Variants in TAC4 observed in about 807,000 individuals in gnomAD.
The protein encoded by TAC4 is tachykinin precursor 4.
A neutral mutation model predicts 17.7 loss-of-function variants in TAC4; 17 were observed. That is an observed-to-expected ratio of 0.96 (90% CI 0.66 to 1.44). The LOEUF (loss-of-function observed/expected upper bound fraction) is 1.44, where lower values mean the gene tolerates loss of function less well. Ranked by LOEUF, TAC4 falls within the 40% of genes most tolerant of loss-of-function variation. The pLI is 0.00. For missense variants in TAC4, 118 were observed against 125.6 expected, an observed-to-expected ratio of 0.94 and a Z score of 0.29; for synonymous variants, 62 against 52.4, an observed-to-expected ratio of 1.18 and a Z score of -0.79.
chr17:49,838,826 C>T (rs906465609), intron 4 of TAC4, among the ~76,000 whole-genome samples, 153 bp from the exon 5 acceptor site: 2 of 152,142 alleles, frequency 1.3e-5, no homozygotes, highest in Non-Finnish European at 2.9e-5. Context: ...ATTACAGGCT[C>T]ATCTGTCATA....
At chr17:49,844,910 C>T (rs923598935) in intron 1 of TAC4, among the ~76,000 whole-genome samples, 8 of 152,178 alleles carry the variant, frequency 5.3e-5, no homozygotes, top group South Asian at 2.1e-4. Context: ...TGATTTCCCC[C>T]GGCCCCTGCA....
intron 1 of TAC4, 60 bp downstream of exon 1, chr17:49,847,853 C>A: frequency 6.2e-7 from 1 of 1,612,196 alleles, no homozygotes; most frequent in South Asian, 1.1e-5. Context: ...TCTGCACTGC[C>A]GATTATCCCC....
chr17:49,840,742 A>G (rs1315887002), intron 3 of TAC4, among the ~76,000 whole-genome samples: 1 of 151,932 alleles, frequency 6.6e-6, no homozygotes, highest in South Asian at 2.1e-4. Flanking sequence ...ACCTCAGGTG[A>G]TCCACCTGCC....
Position 49,838,647 on chromosome 17 carries a change from C to A in TAC4, c.319G>T (p.Glu107Ter). 1 of 1,613,660 alleles carries A rather than the reference C, an allele frequency of 6.2e-7. No homozygotes were observed. Among genetic ancestry groups the A allele is most frequent in the African/African-American group, 1.3e-5 (1 of 75,000 alleles). The change falls in exon 5 of 5, where the codon GAG becomes TAG. Residue 107 changes from glutamate to a stop codon, truncating the protein, a stop_gained. Coordinates refer to ENST00000436235, the MANE Select transcript of TAC4 (RefSeq NM_001077506.2). LOFTEE classifies it high-confidence loss of function. ...GAAGTCTGTGGTGGGGGCTTTTACT[C>A]TGAACCTTGGGCCTCATCCTCTCTG... ...EGREDEAQGS[E>*]
At chr17:49,847,102 C>G in intron 1 of TAC4, 1 of 1,289,902 alleles carries the variant, frequency 7.8e-7, no homozygotes, top group Non-Finnish European at 1.0e-6. Context: ...TAAGCGCCTC[C>G]GAGGACCTCA....
At chr17:49,841,711 C>A (rs1158603681) in intron 2 of TAC4, 127 bp from the exon 3 acceptor site, 33 of 901,384 alleles carry the variant, frequency 3.7e-5, no homozygotes, top group Non-Finnish European at 5.2e-5. Context: ...TTCTAGTCAT[C>A]CCCAGTTATC....
chr17:49,839,746 G>A, intron 4 of TAC4, 104 bp downstream of exon 4: 1 of 1,086,278 alleles, frequency 9.2e-7, no homozygotes, highest in Non-Finnish European at 1.3e-6. Flanking sequence ...GGCTTGTGGG[G>A]AGCCTGTCTG....
chr17:49,838,757 T>C (rs1158157560), intron 4 of TAC4, 84 bp from the exon 5 acceptor site: 2 of 1,418,410 alleles, frequency 1.4e-6, no homozygotes, highest in Non-Finnish European at 1.9e-6. Context: ...CCTAGTTGCA[T>C]TGAAGGCCTT....
In TAC4 at chr17:49,838,483, A is replaced by G; in HGVS notation, c.*159T>C. The G allele has an allele frequency of 1.2e-6, 1 of 836,560 alleles. No homozygotes were observed. Among genetic ancestry groups the G allele is most frequent in the Non-Finnish European group, 2.0e-6 (1 of 506,114 alleles). The allele number at this position is 836,560 out of a possible 1,614,324, so 51.8% of individuals were successfully genotyped here. A position where few individuals can be genotyped will look rare whatever the true frequency, so the allele number is the denominator to read the frequency against. ...GACTGCTGCTTGACACTGAGAGTCC[A>G]GGAAGAAGCCCAGTGGGTTCAGTGT... On this transcript the variant is annotated 3_prime_UTR_variant, in exon 5 of 5. Coordinates refer to ENST00000436235, the MANE Select transcript of TAC4 (RefSeq NM_001077506.2).
intron 1 of TAC4, among the ~76,000 whole-genome samples, chr17:49,844,588 T>C (rs1350297813): frequency 6.6e-6 from 1 of 151,918 alleles, no homozygotes; most frequent in Non-Finnish European, 1.5e-5. Context: ...TGAAACCCCG[T>C]CTCTAATAAA....
At chr17:49,843,994 G>C (rs2074517058) in intron 2 of TAC4, 70 bp downstream of exon 2, 2 of 1,432,990 alleles carry the variant, frequency 1.4e-6, no homozygotes, top group Non-Finnish European at 9.8e-7. Context: ...TTGACTTAGG[G>C]CCTCTGCTTT....
chr17:49,846,811 C>A, intron 1 of TAC4: 1 of 519,796 alleles, frequency 1.9e-6, no homozygotes, highest in Non-Finnish European at 3.0e-6. Flanking sequence ...CGTAGTGAGG[C>A]CCATCACCCA....
At chr17:49,845,693 T>C (rs539302763) in intron 1 of TAC4, among the ~76,000 whole-genome samples, 8 of 152,306 alleles carry the variant, frequency 5.3e-5, no homozygotes, top group African/African-American at 1.4e-4. Context: ...CAGAGGCTCT[T>C]TCTTCCATCC....
intron 1 of TAC4, 59 bp downstream of exon 1, chr17:49,847,854 G>T (rs765431760): frequency 6.2e-7 from 1 of 1,612,696 alleles, no homozygotes; most frequent in Non-Finnish European, 8.5e-7. Context: ...CTGCACTGCC[G>T]ATTATCCCCT....
chr17:49,841,517 G>C, intron 3 of TAC4, 35 bp downstream of exon 3: 1 of 1,556,782 alleles, frequency 6.4e-7, no homozygotes, highest in Non-Finnish European at 8.7e-7. Context: ...CCCTCCCTAG[G>C]GGGCATGTTG....
chr17:49,846,935 A>G, intron 1 of TAC4: 2 of 1,284,038 alleles, frequency 1.6e-6, no homozygotes, highest in Non-Finnish European at 2.0e-6. Flanking sequence ...TTTGCAGGTG[A>G]GGAAACTGAT....
rs904398818 is a variant in TAC4, at chr17:49,847,897, C to T, written c.105+16G>A. 1 of 1,613,830 alleles carries T rather than the reference C, an allele frequency of 6.2e-7. No individual in the cohort carries two copies. The highest frequency in any genetic ancestry group is 8.5e-7 in the Non-Finnish European group (1 of 1,179,956). ...TCAGAGCCTCTCCCCAAAAGTACCT[C>T]CAAGGCCACAATTACCCAGGTCTCT... On this transcript the variant is annotated intron_variant, in intron 1 of 4. Transcript: ENST00000436235.
At chr17:49,847,880 T>G (rs1666986239) in intron 1 of TAC4, 33 bp downstream of exon 1, 1 of 1,613,680 alleles carries the variant, frequency 6.2e-7, no homozygotes, top group Non-Finnish European at 8.5e-7. Flanking sequence ...CGTCAGAGCC[T>G]CTCCCCAAAA....
intron 2 of TAC4, 146 bp from the exon 3 acceptor site, chr17:49,841,730 C>T (rs1335460183): frequency 2.5e-6 from 2 of 814,806 alleles, no homozygotes; most frequent in Non-Finnish European, 1.8e-6. Flanking sequence ...TCCTCTGTGG[C>T]AGTAGGAATG....
Sources: allele counts gnomAD v4.1 joint callset (sites outside exome capture counted in the v4.1 genomes callset), GRCh38; gene constraint gnomAD v4.1.1; transcripts MANE v1.5; gene names NCBI Gene and HGNC (gene_info 2026-07-23, HGNC 2026-07-21).